Variants in SLIT3 observed in about 807,000 individuals in gnomAD.
The protein encoded by SLIT3 is slit guidance ligand 3.
SLIT3 carries 68 observed loss-of-function variants against 184.0 expected under a neutral mutation model. That is an observed-to-expected ratio of 0.37 (90% CI 0.30 to 0.45). The LOEUF (loss-of-function observed/expected upper bound fraction) is 0.45. Ranked by LOEUF, SLIT3 falls within the 20% of genes least tolerant of loss-of-function variation. The pLI is 1.00. For missense variants in SLIT3, 1,707 were observed against 2,026.0 expected, an observed-to-expected ratio of 0.84 and a Z score of 3.02; for synonymous variants, 831 against 828.6, an observed-to-expected ratio of 1.00 and a Z score of -0.05.
intron 4 of SLIT3, among the ~76,000 whole-genome samples, chr5:169,113,624 A>G (rs1038208574): frequency 3.4e-5 from 5 of 149,016 alleles, no homozygotes; most frequent in African/African-American, 1.2e-4. Flanking sequence ...TATATAATGT[A>G]TATCTCATAT....
chr5:169,233,457 A>G (rs532757650), intron 3 of SLIT3, among the ~76,000 whole-genome samples: 1 of 146,218 alleles, frequency 6.8e-6, no homozygotes, highest in South Asian at 2.1e-4. Flanking sequence ...TTAGAAATCT[A>G]CTTAAGAATT....
chr5:169,042,109 G>A (rs1158634756), intron 4 of SLIT3, among the ~76,000 whole-genome samples: 2 of 152,164 alleles, frequency 1.3e-5, no homozygotes, highest in African/African-American at 4.8e-5. Flanking sequence ...ATGAAGAATG[G>A]ATATCGTAGA....
intron 4 of SLIT3, among the ~76,000 whole-genome samples, chr5:169,108,061 A>G (rs1231381329): frequency 6.6e-6 from 1 of 152,224 alleles, no homozygotes; most frequent in Non-Finnish European, 1.5e-5. Context: ...AGACCAGACC[A>G]TAGTTCCTCA....
chr5:168,698,554 T>C (rs1032771408), intron 27 of SLIT3, among the ~76,000 whole-genome samples: 1 of 152,130 alleles, frequency 6.6e-6, no homozygotes, highest in Admixed American at 6.5e-5. Context: ...GCTGACACCT[T>C]GATTTGGAAC....
chr5:169,286,274 C>T (rs1055510360), intron 1 of SLIT3, among the ~76,000 whole-genome samples: 1 of 152,146 alleles, frequency 6.6e-6, no homozygotes, highest in African/African-American at 2.4e-5. Flanking sequence ...AGCCCCAAGC[C>T]AATCAGTTTT....
chr5:169,054,824 C>T (rs1196104709), intron 4 of SLIT3, among the ~76,000 whole-genome samples: 1 of 152,166 alleles, frequency 6.6e-6, no homozygotes, highest in Non-Finnish European at 1.5e-5. Context: ...CAAGGTACAG[C>T]TCAAGGTCTA....
chr5:168,740,397 C>T (rs1581024744), intron 20 of SLIT3, among the ~76,000 whole-genome samples: 2 of 152,218 alleles, frequency 1.3e-5, no homozygotes, highest in Non-Finnish European at 2.9e-5. Context: ...GCCTCTCACA[C>T]TCTGCCCTTT....
chr5:169,162,588 G>A (rs904084726), intron 4 of SLIT3, among the ~76,000 whole-genome samples: 13 of 152,172 alleles, frequency 8.5e-5, no homozygotes, highest in African/African-American at 1.9e-4. Flanking sequence ...AAGCATGTGC[G>A]CAAAGTTATC....
chr5:168,696,944 T>C (rs1762082935), intron 27 of SLIT3, among the ~76,000 whole-genome samples: 1 of 152,172 alleles, frequency 6.6e-6, no homozygotes, highest in South Asian at 2.1e-4. Context: ...CCAGACTCTG[T>C]ACCCAGGTTT....
intron 4 of SLIT3, among the ~76,000 whole-genome samples, chr5:169,098,665 C>T (rs768272081): frequency 6.6e-6 from 1 of 152,174 alleles, no homozygotes; most frequent in Non-Finnish European, 1.5e-5. Flanking sequence ...GATGTGCCCA[C>T]CTACAAATGT....
intron 33 of SLIT3, 39 bp from the exon 34 acceptor site, chr5:168,671,522 C>A: frequency 6.3e-7 from 1 of 1,577,752 alleles, no homozygotes; most frequent in South Asian, 1.2e-5. Context: ...TGAAGACCCT[C>A]CCCTGCCACC....
chr5:168,735,667 C>CAT (rs201797673), intron 20 of SLIT3, among the ~76,000 whole-genome samples: 2,400 of 87,794 alleles, frequency 0.027, 56 homozygotes, highest in African/African-American at 0.094. Flanking sequence ...TAGATACACA[C>CAT]ACACACACAC....
Position 169,093,731 on chromosome 5 carries a change from T to C in SLIT3, c.413+99748A>G, listed in dbSNP as rs568079928. ...CAGATATAAGTCAGGCTATGGATTA[T>C]AAGCTGATGCTCCATTCATTCCTCA... On this transcript the variant is annotated intron_variant, in intron 4 of 35. Coordinates refer to ENST00000519560, the MANE Select transcript of SLIT3 (RefSeq NM_003062.4). Among the ~76,000 whole-genome samples the C allele has an allele frequency of 8.5e-5, 13 of 152,338 alleles. No individual in the cohort carries two copies. The South Asian group carries it at 1.9e-3, about 22-fold the overall frequency.
intron 4 of SLIT3, among the ~76,000 whole-genome samples, chr5:169,175,586 A>G (rs1186298248): frequency 6.6e-6 from 1 of 152,186 alleles, no homozygotes; most frequent in Non-Finnish European, 1.5e-5. Context: ...CGTTCAACAA[A>G]TAATAGTTGC....
rs778277636 is a variant in SLIT3 at position 168,762,583 on chromosome 5, C to T, written c.1566G>A (p.Lys522=). ...EGTIVDCSNQ[K]LVRIPSHLPE... ...GGAGGTGGCTTGGGATGCGGACCAG[C>T]TTCTGGTTGGAGCAGTCCACAATCG... Residue 522 remains lysine, a synonymous_variant, in exon 15 of 36, where the codon AAG becomes AAA. Coordinates refer to ENST00000519560, the MANE Select transcript of SLIT3 (RefSeq NM_003062.4). 2 of 1,614,092 alleles carry T rather than the reference C, an allele frequency of 1.2e-6. No homozygotes were observed. Among genetic ancestry groups the T allele is most frequent in the South Asian group, 2.2e-5 (2 of 91,074 alleles).
chr5:169,267,315 G>T (rs942486438), intron 1 of SLIT3, among the ~76,000 whole-genome samples: 2 of 152,188 alleles, frequency 1.3e-5, no homozygotes, highest in African/African-American at 4.8e-5. Flanking sequence ...CCTGGTCAGA[G>T]AATTTTAGTA....
intron 27 of SLIT3, among the ~76,000 whole-genome samples, chr5:168,696,934 C>G (rs1306752572): frequency 6.6e-6 from 1 of 152,096 alleles, no homozygotes; most frequent in Non-Finnish European, 1.5e-5. Context: ...GGCCAAGGTC[C>G]CAGACTCTGT....
intron 4 of SLIT3, among the ~76,000 whole-genome samples, chr5:169,004,814 T>A (rs1399816930): frequency 6.6e-6 from 1 of 152,162 alleles, no homozygotes; most frequent in East Asian, 1.9e-4. Flanking sequence ...CTAGGCCATG[T>A]GACGATACAG....
rs1482484411 is a variant in SLIT3, at chr5:168,782,819, A to G, written c.1151+3088T>C. ...CTGACAGATTACCTTGCATCCCCCAAAGACAATAAGGGTTGCTAGTAATAA... is the reference window on the plus strand; with the variant it reads ...CTGACAGATTACCTTGCATCCCCCAGAGACAATAAGGGTTGCTAGTAATAA... On this transcript the variant is annotated intron_variant, in intron 12 of 35. Transcript: ENST00000519560. 2.0e-5 allele frequency among the ~76,000 whole-genome samples: 3 copies of G among 152,184 alleles called. No individual in the cohort carries two copies. The East Asian group carries it at 5.8e-4, about 29-fold the overall frequency.
Sources: allele counts gnomAD v4.1 joint callset (sites outside exome capture counted in the v4.1 genomes callset), GRCh38; gene constraint gnomAD v4.1.1; transcripts MANE v1.5; gene names NCBI Gene and HGNC (gene_info 2026-07-23, HGNC 2026-07-21).